FHIT: variants seen among roughly 807,000 people sequenced by gnomAD.
The protein encoded by FHIT is fragile histidine triad diadenosine triphosphatase, also known as bis(5'-adenosyl)-triphosphatase.
FHIT carries 19 observed loss-of-function variants against 17.9 expected under a neutral mutation model. That is an observed-to-expected ratio of 1.06 (90% CI 0.74 to 1.56). FHIT has a LOEUF of 1.56. Ranked by LOEUF, FHIT falls within the 40% of genes most tolerant of loss-of-function variation. The probability of loss-of-function intolerance (pLI) is 0.00; values close to 1 mark genes in which losing one functional copy is unlikely to be tolerated. For missense variants in FHIT, 248 were observed against 189.2 expected (o/e 1.31, Z -1.82); for synonymous variants, 81 against 69.7 (o/e 1.16, Z -0.81).
intron 3 of FHIT, among the ~76,000 whole-genome samples, chr3:60,885,372 ATAAAT>A (rs1459071089): frequency 6.6e-6 from 1 of 152,208 alleles, no homozygotes; most frequent in Non-Finnish European, 1.5e-5. Context: ...TATATCTTTA[ATAAAT>A]TAAACTTTTG....
intron 5 of FHIT, among the ~76,000 whole-genome samples, chr3:60,274,536 T>G (rs1707029531): frequency 6.6e-6 from 1 of 152,214 alleles, no homozygotes; most frequent in African/African-American, 2.4e-5. Context: ...AGAATATGTG[T>G]CATAAGCTAT....
At chr3:60,109,137 G>C (rs1448488892) in intron 5 of FHIT, among the ~76,000 whole-genome samples, 1 of 133,956 alleles carries the variant, frequency 7.5e-6, no homozygotes, top group African/African-American at 2.6e-5. Context: ...CGGGGGTAGG[G>C]GCAGGGAGAG....
At chr3:60,553,557 AG>A (rs2036642493) in intron 4 of FHIT, among the ~76,000 whole-genome samples, 1 of 148,398 alleles carries the variant, frequency 6.7e-6, no homozygotes, top group African/African-American at 2.5e-5. Context: ...AGAGAGAGAG[AG>A]AGGCTCCTGA....
chr3:60,561,164 T>C (rs1187448826), intron 4 of FHIT, among the ~76,000 whole-genome samples: 2 of 152,018 alleles, frequency 1.3e-5, no homozygotes, highest in African/African-American at 4.8e-5. Flanking sequence ...AACAGCAGAA[T>C]GTCCTAAAGT....
intron 3 of FHIT, among the ~76,000 whole-genome samples, chr3:61,021,385 G>A (rs2032419647): frequency 6.7e-6 from 1 of 149,542 alleles, no homozygotes; most frequent in African/African-American, 2.4e-5. Context: ...GGATCACGAG[G>A]TCAGGAGATC....
chr3:60,540,524 G>T (rs1359839482), intron 4 of FHIT, among the ~76,000 whole-genome samples: 2 of 152,190 alleles, frequency 1.3e-5, no homozygotes, highest in Admixed American at 1.3e-4. Context: ...CTTCTGAAAT[G>T]AATCAAAGGA....
chr3:60,925,611 A>T (rs1191073409), intron 3 of FHIT, among the ~76,000 whole-genome samples: 1 of 152,234 alleles, frequency 6.6e-6, no homozygotes, highest in Non-Finnish European at 1.5e-5. Flanking sequence ...GAAATATACC[A>T]AATTGTAAAG....
chr3:60,048,551 G>C (rs1395461276), intron 5 of FHIT, among the ~76,000 whole-genome samples: 1 of 152,170 alleles, frequency 6.6e-6, no homozygotes, highest in African/African-American at 2.4e-5. Context: ...GCTTCGGTGT[G>C]AATTTTTGGG....
intron 5 of FHIT, among the ~76,000 whole-genome samples, chr3:60,476,954 C>T (rs894916644): frequency 7.9e-5 from 12 of 151,196 alleles, no homozygotes; most frequent in African/African-American, 2.7e-4. Context: ...TCAACATTAC[C>T]ATAAACAGAA....
At chr3:60,356,539 T>C (rs1321540826) in intron 5 of FHIT, among the ~76,000 whole-genome samples, 1 of 152,104 alleles carries the variant, frequency 6.6e-6, no homozygotes, top group Non-Finnish European at 1.5e-5. Context: ...TTCTAAGCTG[T>C]GAGTGAAAGT....
chr3:60,449,137 G>A (rs2031545398), intron 5 of FHIT, among the ~76,000 whole-genome samples: 1 of 152,110 alleles, frequency 6.6e-6, no homozygotes, highest in Non-Finnish European at 1.5e-5. Flanking sequence ...TTTAGACCAA[G>A]TATCTTTGAG....
chr3:60,282,902 C>A (rs954719198), intron 5 of FHIT, among the ~76,000 whole-genome samples: 2 of 152,074 alleles, frequency 1.3e-5, no homozygotes, highest in Admixed American at 1.3e-4. Flanking sequence ...TATCAGCAGT[C>A]CATGGTTTCA....
At chr3:60,131,033 G>A (rs535668344) in intron 5 of FHIT, among the ~76,000 whole-genome samples, 3,113 of 69,046 alleles carry the variant, frequency 0.045, 121 homozygotes, top group South Asian at 0.06. Context: ...ATATACATAT[G>A]TGTATATATA....
At chr3:59,892,423 T>A (rs1307307981) in intron 8 of FHIT, among the ~76,000 whole-genome samples, 7 of 152,260 alleles carry the variant, frequency 4.6e-5, no homozygotes, top group Non-Finnish European at 1.0e-4. Flanking sequence ...TCTGCTTTTT[T>A]AAATATAATG....
At chr3:61,080,970 G>A (rs1196518230) in intron 2 of FHIT, among the ~76,000 whole-genome samples, 1 of 152,128 alleles carries the variant, frequency 6.6e-6, no homozygotes, top group Non-Finnish European at 1.5e-5. Context: ...AACTTAGTAG[G>A]ACTTTGTGGC....
At chr3:60,153,085 G>A (rs184758976) in intron 5 of FHIT, among the ~76,000 whole-genome samples, 1 of 152,148 alleles carries the variant, frequency 6.6e-6, no homozygotes. Context: ...GCCAACACAC[G>A]ACTAACAGCA....
At chr3:60,799,227 T>G (rs1431317716) in intron 4 of FHIT, among the ~76,000 whole-genome samples, 5 of 152,124 alleles carry the variant, frequency 3.3e-5, no homozygotes, top group African/African-American at 1.2e-4. Context: ...CAGGCTAGAG[T>G]GCAATGGCGC....
chr3:60,522,599 G>C (rs569914091), intron 5 of FHIT, among the ~76,000 whole-genome samples: 33 of 152,188 alleles, frequency 2.2e-4, no homozygotes, highest in Non-Finnish European at 4.1e-4. Context: ...AGGAGTAGTA[G>C]AGATGTTGAG....
At chr3:59,929,622 C>A (rs973623657) in intron 7 of FHIT, among the ~76,000 whole-genome samples, 1 of 151,912 alleles carries the variant, frequency 6.6e-6, no homozygotes, top group Admixed American at 6.6e-5. Flanking sequence ...TGATCATGCC[C>A]AGCATCTATT....
Sources: allele counts gnomAD v4.1 joint callset (sites outside exome capture counted in the v4.1 genomes callset), GRCh38; gene constraint gnomAD v4.1.1; transcripts MANE v1.5; gene names NCBI Gene and HGNC (gene_info 2026-07-23, HGNC 2026-07-21).